The following NOD1 variants were observed in gnomAD, a reference collection of about 807,000 sequenced individuals.
NOD1 encodes nucleotide-binding oligomerization domain-containing protein 1.
NOD1 carries 70 observed loss-of-function variants against 81.2 expected under a neutral mutation model. The observed-to-expected ratio is 0.86, with a 90% CI of 0.71 to 1.05. The LOEUF (loss-of-function observed/expected upper bound fraction) is 1.05, where lower values mean the gene tolerates loss of function less well. Ranked by LOEUF, NOD1 falls within the 50% of genes least tolerant of loss-of-function variation. NOD1 has a pLI of 0.00. For synonymous variants in NOD1, 508 were observed against 526.9 expected (o/e 0.96, Z 0.49); for missense variants, 1,233 against 1,228.0 (o/e 1.00, Z -0.06).
intron 1 of NOD1, chr7:30,475,934 A>G (rs999146782): frequency 6.6e-6 from 1 of 152,248 alleles, no homozygotes; most frequent in Non-Finnish European, 1.5e-5. Flanking sequence ...AAACCAGGTC[A>G]GACCTTTTGG....
intron 1 of NOD1, among the ~76,000 whole-genome samples, chr7:30,472,603 T>C (rs4720004): frequency 0.14 from 21,786 of 152,242 alleles, 1,822 homozygotes; most frequent in East Asian, 0.23. Context: ...AACCCCCGAT[T>C]TGATGGTGTT....
At chr7:30,456,559 T>C (rs1786393618) in intron 4 of NOD1, among the ~76,000 whole-genome samples, 162 bp downstream of exon 4, 1 of 152,198 alleles carries the variant, frequency 6.6e-6, no homozygotes, top group Non-Finnish European at 1.5e-5. Flanking sequence ...TACCTGACTG[T>C]GCAACCTGCT....
chr7:30,426,719 C>G (rs1038242210), intron 13 of NOD1, among the ~76,000 whole-genome samples: 3 of 152,144 alleles, frequency 2.0e-5, no homozygotes, highest in African/African-American at 7.2e-5. Flanking sequence ...TCTCCTCAGC[C>G]TCCTGTAGTC....
intron 1 of NOD1, among the ~76,000 whole-genome samples, chr7:30,471,233 G>A (rs1314442026): frequency 1.3e-5 from 2 of 152,164 alleles, no homozygotes; most frequent in Non-Finnish European, 2.9e-5. Context: ...AAGAGGTTGA[G>A]AAGATGATAG....
At chr7:30,429,703 G>C (rs148784278) in intron 12 of NOD1, among the ~76,000 whole-genome samples, 15 of 152,288 alleles carry the variant, frequency 9.8e-5, no homozygotes, top group African/African-American at 3.4e-4. Context: ...GAACTGATGT[G>C]TGTGTTTGCA....
At chr7:30,475,484 T>G (rs909088345) in intron 1 of NOD1, among the ~76,000 whole-genome samples, 3 of 152,256 alleles carry the variant, frequency 2.0e-5, no homozygotes, top group Non-Finnish European at 4.4e-5. Flanking sequence ...AGTGGCAGTT[T>G]ACTGGAGAGT....
rs184933009 is a variant in NOD1, at chr7:30,474,473, G to A, written c.-352+4133C>T. 3.6e-4 allele frequency among the ~76,000 whole-genome samples: 55 copies of A among 152,322 alleles called. 1 individual carries two copies. Among genetic ancestry groups the A allele is most frequent in the African/African-American group, 9.9e-4 (41 of 41,578 alleles). Reference sequence around the variant, plus strand: ...GGAAGACAATTTTTCCACAGACAGCGGCGAGTAGGGGCACAGGGGAGATCG... The same window carrying A: ...GGAAGACAATTTTTCCACAGACAGCAGCGAGTAGGGGCACAGGGGAGATCG... On this transcript the variant is annotated intron_variant, in intron 1 of 13. Coordinates refer to ENST00000222823, the MANE Select transcript of NOD1 (RefSeq NM_006092.4).
chr7:30,477,373 A>G (rs1583913416), intron 1 of NOD1, among the ~76,000 whole-genome samples: 1 of 151,848 alleles, frequency 6.6e-6, no homozygotes, highest in East Asian at 1.9e-4. Flanking sequence ...CAGGGAATCC[A>G]CTCCTCTCTA....
chr7:30,455,427 T>C, intron 4 of NOD1, 116 bp from the exon 5 acceptor site: 1 of 714,412 alleles, frequency 1.4e-6, no homozygotes, highest in South Asian at 1.9e-5. Context: ...CCGGTAGCTA[T>C]GCCATCCCCC....
chr7:30,463,348 A>G (rs1477118627), intron 1 of NOD1, among the ~76,000 whole-genome samples: 1 of 152,190 alleles, frequency 6.6e-6, no homozygotes, highest in Admixed American at 6.5e-5. Context: ...CTGCACTAAA[A>G]TGAACACTAA....
Position 30,467,367 on chromosome 7 carries a change from A to G in NOD1, c.-351-7326T>C, listed in dbSNP as rs934740302. Among the ~76,000 whole-genome samples the G allele has an allele frequency of 6.6e-6, 1 of 151,952 alleles. No homozygotes were observed. The highest frequency in any genetic ancestry group is 1.9e-4 in the East Asian group (1 of 5,186). On this transcript the variant is annotated intron_variant, in intron 1 of 13. Transcript: ENST00000222823. The surrounding 1 kb of genome is among the most constrained non-coding windows in gnomAD (Gnocchi z 4.5). ...ATGTTTTTTTTTTTATAAGAAGGCT[A>G]TACACTTGCATGATTGAAATATTTT...
rs200278714 is a variant in NOD1 at position 30,437,613 on chromosome 7, C to T, written c.2497G>A (p.Ala833Thr). 388 of 1,511,292 alleles carry T rather than the reference C, an allele frequency of 2.6e-4. No individual in the cohort carries two copies. Among genetic ancestry groups the T allele is most frequent in the Non-Finnish European group, 3.3e-4 (375 of 1,142,394 alleles). The allele number at this position is 1,511,292 out of a possible 1,614,324, so 93.6% of individuals were successfully genotyped here. A position where few individuals can be genotyped will look rare whatever the true frequency, so the allele number is the denominator to read the frequency against. The change falls in exon 10 of 14, where the codon GCA (alanine) becomes ACA (threonine). Residue 833 changes from alanine (A) to threonine (T), a missense_variant. Coordinates refer to ENST00000222823, the MANE Select transcript of NOD1 (RefSeq NM_006092.4). ...CTGGGGTGGTTCCGCAGAGCCTCTG[C>T]GAAGGCTTTTGCTCCTTCATCCCCA... ...QVGDEGAKAF[A>T]EALRNHPSLT...
intron 5 of NOD1, among the ~76,000 whole-genome samples, chr7:30,453,609 G>A (rs1265916292): frequency 6.6e-6 from 1 of 152,104 alleles, no homozygotes; most frequent in South Asian, 2.1e-4. Flanking sequence ...TTGTAGAGAC[G>A]GGGTCTCGCC....
At chr7:30,431,001 T>C (rs1438003491) in intron 12 of NOD1, among the ~76,000 whole-genome samples, 1 of 152,230 alleles carries the variant, frequency 6.6e-6, no homozygotes, top group Non-Finnish European at 1.5e-5. Flanking sequence ...TTAGGCTTTT[T>C]TGAAGGCAGG....
At chr7:30,425,830 A>G in intron 13 of NOD1, 120 bp from the exon 14 acceptor site, 1 of 753,808 alleles carries the variant, frequency 1.3e-6, no homozygotes, top group Non-Finnish European at 2.4e-6. Context: ...TGTATCCCTG[A>G]AATTAAGGAA....
Position 30,436,050 on chromosome 7 carries a change from C to T in NOD1, c.2569G>A (p.Gly857Arg). 1 of 1,614,226 alleles carries T rather than the reference C, an allele frequency of 6.2e-7. No individual in the cohort carries two copies. Among genetic ancestry groups the T allele is most frequent in the Non-Finnish European group, 8.5e-7 (1 of 1,179,994 alleles). ...LASNGISTEG[G>R]KSLARALQQN... ...TGCAGGGCCCTCGCAAGGCTCTTTC[C>T]TCCTTCTGTGGAGATGCCGTTGGAC... The change falls in exon 11 of 14, where the codon GGA (glycine) becomes AGA (arginine). Residue 857 changes from glycine (G) to arginine (R), a missense_variant. Transcript: ENST00000222823.
chr7:30,460,492 G>A (rs1236631102), intron 1 of NOD1: 6 of 985,310 alleles, frequency 6.1e-6, no homozygotes, highest in Non-Finnish European at 7.2e-6. Flanking sequence ...CAGTGGTGCA[G>A]ACCAATGGGG....
At chr7:30,435,630 A>G (rs542037539) in intron 11 of NOD1, among the ~76,000 whole-genome samples, 1 of 152,262 alleles carries the variant, frequency 6.6e-6, no homozygotes, top group African/African-American at 2.4e-5. Flanking sequence ...GGCCATGTGC[A>G]GCCCCTGGGA....
chr7:30,464,401 A>G (rs1394432144), intron 1 of NOD1, among the ~76,000 whole-genome samples: 5 of 152,182 alleles, frequency 3.3e-5, no homozygotes, highest in Admixed American at 1.3e-4. Flanking sequence ...CATTCCTTCT[A>G]CAGAGATCCA....
Sources: allele counts gnomAD v4.1 joint callset (sites outside exome capture counted in the v4.1 genomes callset), GRCh38; gene constraint gnomAD v4.1.1; non-coding constraint Gnocchi (gnomAD v3.1); transcripts MANE v1.5; gene names NCBI Gene and HGNC (gene_info 2026-07-23, HGNC 2026-07-21).